TMSB15B: variants seen among roughly 807,000 people sequenced by gnomAD.
The protein encoded by TMSB15B is thymosin beta 15B.
intron 1 of TMSB15B, among the ~76,000 whole-genome samples, chrX:103,925,832 G>A (rs1472285326): frequency 8.9e-6 from 1 of 112,207 alleles, no homozygotes; most frequent in Non-Finnish European, 1.9e-5. Flanking sequence ...TGGCAGGGAG[G>A]AAGTGGAACA....
chrX:103,928,878 T>G, intron 1 of TMSB15B: 1 of 1,205,522 alleles, frequency 8.3e-7, no homozygotes, highest in Non-Finnish European at 1.1e-6. Context: ...TGTGGAACAC[T>G]TGGGGCCAAA....
rs1556328820 is a variant in TMSB15B, at chrX:103,954,469, ATGTTAACT to A, written c.-720-7551_-720-7544del. Among the ~76,000 whole-genome samples the A allele has an allele frequency of 7.5e-3, 839 of 111,583 alleles. 9 individuals carry two copies. Among genetic ancestry groups the A allele is most frequent in the African/African-American group, 0.026 (798 of 30,671 alleles). ...ATCCTATGGCCGTGCACCAGCCTGC[ATGTTAACT>A]CCCCATAATATAGCTTCCCTCAAGC... is the stretch of plus-strand genomic sequence containing the variant. On this transcript the variant is annotated intron_variant, in intron 1 of 3. Coordinates refer to the TMSB15B transcript ENST00000419165.
chrX:103,925,987 ATCTGGGAGGAG>A (rs1194425708), intron 1 of TMSB15B, among the ~76,000 whole-genome samples: 1 of 111,434 alleles, frequency 9.0e-6, no homozygotes, highest in African/African-American at 3.3e-5. Flanking sequence ...TGGCCTGGGT[ATCTGGGAGGAG>A]TCCCCTTTGG....
rs185236314 is a variant in TMSB15B at position 103,940,631 on chromosome X, G to T, written c.-721+21339G>T. Among the ~76,000 whole-genome samples, 673 of 111,208 alleles carry T rather than the reference G, an allele frequency of 6.1e-3. 2 individuals carry two copies. Among genetic ancestry groups the T allele is most frequent in the Non-Finnish European group, 9.5e-3 (506 of 53,011 alleles). ...GGGATCCGCTGAGCAAGACCACTTG[G>T]CCCCCTGGCTTCAGTCCCCTTTCCA... On this transcript the variant is annotated intron_variant, in intron 1 of 3. Coordinates refer to the TMSB15B transcript ENST00000419165.
intron 1 of TMSB15B, among the ~76,000 whole-genome samples, chrX:103,920,116 T>A (rs1602431564): frequency 8.9e-6 from 1 of 112,168 alleles, no homozygotes; most frequent in Non-Finnish European, 1.9e-5. Flanking sequence ...CTGCCCTTTT[T>A]ATAAAAGCAA....
rs556326313 is a variant in TMSB15B, at chrX:103,924,627, A to G, written c.-721+5335A>G. On this transcript the variant is annotated intron_variant, in intron 1 of 3. Coordinates refer to the TMSB15B transcript ENST00000419165. ...CTAGCTCCATGGTGGTTTACCCCCAATGATTTAGTGGATGATCAATACATG... is the reference window on the plus strand; with the variant it reads ...CTAGCTCCATGGTGGTTTACCCCCAGTGATTTAGTGGATGATCAATACATG... Among the ~76,000 whole-genome samples the G allele has an allele frequency of 5.3e-4, 59 of 111,803 alleles. No homozygotes were observed. In the South Asian group the frequency reaches 0.021, roughly 39 times the overall value.
At chrX:103,920,359 A>G (rs2074948648) in intron 1 of TMSB15B, among the ~76,000 whole-genome samples, 2 of 112,004 alleles carry the variant, frequency 1.8e-5, no homozygotes, top group South Asian at 7.5e-4. Context: ...TACTAGGACT[A>G]CAGGTAAAGA....
chrX:103,940,685 G>A (rs1233850923), intron 1 of TMSB15B, among the ~76,000 whole-genome samples: 4 of 111,030 alleles, frequency 3.6e-5, no homozygotes, highest in African/African-American at 1.3e-4. Context: ...TCTCACTGGT[G>A]TTCCAGGCTT....
At chrX:103,949,574 A>C (rs2061719862) in intron 1 of TMSB15B, among the ~76,000 whole-genome samples, 1 of 112,270 alleles carries the variant, frequency 8.9e-6, no homozygotes, top group Non-Finnish European at 1.9e-5. Flanking sequence ...ACTCAAGCCA[A>C]TGTACAGCTG....
intron 1 of TMSB15B, among the ~76,000 whole-genome samples, chrX:103,936,631 G>A (rs1556321964): frequency 2.7e-5 from 3 of 111,629 alleles, no homozygotes; most frequent in Admixed American, 1.9e-4. Context: ...ATTTGAATAC[G>A]CTTTATTGGT....
chrX:103,946,793 A>C (rs1195420757), intron 1 of TMSB15B, among the ~76,000 whole-genome samples: 3 of 112,071 alleles, frequency 2.7e-5, no homozygotes, highest in African/African-American at 9.7e-5. Context: ...AAATCTTAAA[A>C]CTAATAAAAA....
At chrX:103,939,927 G>A (rs1475882843) in intron 1 of TMSB15B, among the ~76,000 whole-genome samples, 1 of 111,827 alleles carries the variant, frequency 8.9e-6, no homozygotes, top group Non-Finnish European at 1.9e-5. Flanking sequence ...CTACAGGTCT[G>A]CTGCAGTTTG....
intron 1 of TMSB15B, among the ~76,000 whole-genome samples, chrX:103,935,908 G>T (rs1304968145): frequency 1.0e-5 from 1 of 100,487 alleles, no homozygotes; most frequent in Non-Finnish European, 2.0e-5. Flanking sequence ...CTGCAATGGC[G>T]TGATCTCAGC....
chrX:103,931,338 A>G (rs2074984403), intron 1 of TMSB15B: 1 of 112,282 alleles, frequency 8.9e-6, no homozygotes, highest in African/African-American at 3.2e-5. Context: ...TTATTTAAAA[A>G]TAATTTCAAA....
chrX:103,920,802 G>T (rs782428641), intron 1 of TMSB15B, among the ~76,000 whole-genome samples: 42 of 111,878 alleles, frequency 3.8e-4, no homozygotes, highest in African/African-American at 8.5e-4. Context: ...CTCTTCAGGG[G>T]ACTTCTCCTT....
chrX:103,943,116 G>T (rs1234868729), intron 1 of TMSB15B, among the ~76,000 whole-genome samples: 7 of 111,754 alleles, frequency 6.3e-5, no homozygotes, highest in Admixed American at 9.5e-5. Context: ...GAAAGCTCAA[G>T]ACACCTGTAT....
chrX:103,934,893 C>T (rs1192110051), intron 1 of TMSB15B, among the ~76,000 whole-genome samples: 2 of 111,899 alleles, frequency 1.8e-5, no homozygotes, highest in African/African-American at 3.3e-5. Context: ...ATTTCTAGTT[C>T]TAGATCCTTG....
At chrX:103,933,783 T>C (rs1443648575) in intron 1 of TMSB15B, among the ~76,000 whole-genome samples, 1 of 111,143 alleles carries the variant, frequency 9.0e-6, no homozygotes, top group African/African-American at 3.3e-5. Context: ...CATGATAAGT[T>C]TGAGGGTCAT....
chrX:103,921,784 C>T (rs2074953961), intron 1 of TMSB15B, among the ~76,000 whole-genome samples: 1 of 112,490 alleles, frequency 8.9e-6, no homozygotes, highest in Admixed American at 9.4e-5. Context: ...TCTGTTATCT[C>T]ATTTAAGCTT....
Sources: allele counts gnomAD v4.1 joint callset (sites outside exome capture counted in the v4.1 genomes callset), GRCh38; gene constraint gnomAD v4.1.1; transcripts MANE v1.5; gene names NCBI Gene and HGNC (gene_info 2026-07-23, HGNC 2026-07-21).